The following TAFA1 variants were observed in gnomAD, a reference collection of about 807,000 sequenced individuals.
TAFA1 encodes the protein chemokine-like protein TAFA-1.
In TAFA1, 4 loss-of-function variants were observed where a neutral mutation model predicts 18.5. That is an observed-to-expected ratio of 0.22 (90% CI 0.11 to 0.49). The LOEUF (loss-of-function observed/expected upper bound fraction) is 0.49. Among genes scored for constraint, TAFA1 ranks in the 20% least tolerant of loss-of-function variants. The probability of loss-of-function intolerance (pLI) is 0.98; values close to 1 mark genes in which losing one functional copy is unlikely to be tolerated. For missense variants in TAFA1, 147 were observed against 169.0 expected (o/e 0.87, Z 0.72); for synonymous variants, 56 against 55.2 (o/e 1.01, Z -0.06).
At chr3:67,999,663 T>C (rs1326404939), upstream of TAFA1, among the ~76,000 whole-genome samples, 1 of 152,110 alleles carries the variant, frequency 6.6e-6, no homozygotes, top group African/African-American at 2.4e-5. Flanking sequence ...TTTTTTCTTC[T>C]AGCAAAAAAA....
At chr3:68,070,098 T>C (rs868267515) in intron 2 of TAFA1, among the ~76,000 whole-genome samples, 20 of 152,230 alleles carry the variant, frequency 1.3e-4, no homozygotes, top group African/African-American at 4.8e-4. Context: ...GCAGAGACTC[T>C]GTGTGGGGGC....
intron 2 of TAFA1, among the ~76,000 whole-genome samples, chr3:68,228,806 A>C (rs1041393800): frequency 1.3e-5 from 2 of 152,220 alleles, no homozygotes; most frequent in Non-Finnish European, 2.9e-5. Flanking sequence ...CTGGTGTTGA[A>C]CTTGCAAGTG....
intron 2 of TAFA1, among the ~76,000 whole-genome samples, chr3:68,287,450 C>CA (rs1220946144): frequency 6.6e-6 from 1 of 151,640 alleles, no homozygotes; most frequent in Non-Finnish European, 1.5e-5. Flanking sequence ...AGTTATTGTG[C>CA]ATGAAAATCA....
intron 2 of TAFA1, among the ~76,000 whole-genome samples, chr3:68,357,840 G>A (rs1280399295): frequency 6.6e-6 from 1 of 151,904 alleles, no homozygotes; most frequent in Middle Eastern, 3.2e-3. Flanking sequence ...GGAATTATGA[G>A]GAAGATGATC....
intron 2 of TAFA1, among the ~76,000 whole-genome samples, chr3:68,392,701 A>T (rs112633545): frequency 0.028 from 4,206 of 152,248 alleles, 173 homozygotes; most frequent in East Asian, 0.13. Context: ...CGATTAAGAA[A>T]CTCACTCACA....
chr3:68,051,365 T>C (rs2064469563), intron 2 of TAFA1, among the ~76,000 whole-genome samples: 1 of 152,182 alleles, frequency 6.6e-6, no homozygotes, highest in Non-Finnish European at 1.5e-5. Flanking sequence ...AGATATTTAC[T>C]AGTTAAAATT....
intron 3 of TAFA1, among the ~76,000 whole-genome samples, chr3:68,448,323 G>T (rs1009220485): frequency 6.6e-6 from 1 of 152,202 alleles, no homozygotes; most frequent in Admixed American, 6.5e-5. Context: ...ATTTTTAGAT[G>T]TAAATTTGTG....
chr3:68,431,936 G>A (rs1037691311), intron 3 of TAFA1, among the ~76,000 whole-genome samples: 5 of 151,984 alleles, frequency 3.3e-5, no homozygotes, highest in Non-Finnish European at 7.4e-5. Flanking sequence ...AAGTAAGCGT[G>A]AGGAACATGA....
chr3:68,286,475 C>A (rs1279037197), intron 2 of TAFA1, among the ~76,000 whole-genome samples: 1 of 151,622 alleles, frequency 6.6e-6, no homozygotes, highest in East Asian at 1.9e-4. Context: ...TTGGAATGGA[C>A]AAAAAGAGCT....
chr3:68,232,141 A>G (rs1438489833), intron 2 of TAFA1, among the ~76,000 whole-genome samples: 1 of 152,194 alleles, frequency 6.6e-6, no homozygotes, highest in South Asian at 2.1e-4. Context: ...ACCCTATACT[A>G]CTATAGGACA....
chr3:68,242,029 G>T (rs1248384941), intron 2 of TAFA1, among the ~76,000 whole-genome samples: 1 of 152,062 alleles, frequency 6.6e-6, no homozygotes, highest in African/African-American at 2.4e-5. Flanking sequence ...CTCAGCTTTG[G>T]CCTGACCAAC....
intron 3 of TAFA1, among the ~76,000 whole-genome samples, chr3:68,504,087 A>G (rs138244833): frequency 2.3e-4 from 35 of 152,268 alleles, no homozygotes; most frequent in African/African-American, 7.7e-4. Flanking sequence ...GGACAAGAAA[A>G]AGGCTAATAA....
At chr3:68,337,674 T>C (rs949054061) in intron 2 of TAFA1, among the ~76,000 whole-genome samples, 1 of 152,220 alleles carries the variant, frequency 6.6e-6, no homozygotes, top group Non-Finnish European at 1.5e-5. Flanking sequence ...TGTATATTTA[T>C]GGTAAGAACA....
chr3:68,453,932 C>T (rs566988085), intron 3 of TAFA1, among the ~76,000 whole-genome samples: 34 of 152,224 alleles, frequency 2.2e-4, no homozygotes, highest in African/African-American at 7.7e-4. Flanking sequence ...ACTTCACTCT[C>T]GGGTGAATCT....
intron 2 of TAFA1, among the ~76,000 whole-genome samples, chr3:68,397,922 G>C (rs1013570131): frequency 6.6e-6 from 1 of 152,072 alleles, no homozygotes; most frequent in Non-Finnish European, 1.5e-5. Flanking sequence ...TGCTTTTGGT[G>C]TTTTAGTCAT....
intron 3 of TAFA1, among the ~76,000 whole-genome samples, chr3:68,470,971 G>A (rs2071985757): frequency 6.6e-6 from 1 of 152,094 alleles, no homozygotes; most frequent in Admixed American, 6.6e-5. Flanking sequence ...ATGTTTCCTG[G>A]CGTGGATCCA....
intron 2 of TAFA1, among the ~76,000 whole-genome samples, chr3:68,325,078 G>A (rs71310800): frequency 2.7e-3 from 416 of 152,020 alleles, no homozygotes; most frequent in Non-Finnish European, 4.8e-3. Flanking sequence ...AGTCAAGAGT[G>A]TGTCTGTCTC....
chr3:68,031,709 A>C (rs947088182), intron 2 of TAFA1, among the ~76,000 whole-genome samples: 2 of 152,184 alleles, frequency 1.3e-5, no homozygotes, highest in African/African-American at 4.8e-5. Context: ...AAGTTTAAAA[A>C]TTTTGTTTAA....
chr3:68,372,364 G>A (rs1241724833), intron 2 of TAFA1, among the ~76,000 whole-genome samples: 3 of 152,130 alleles, frequency 2.0e-5, no homozygotes. Context: ...GTACACGCAA[G>A]TAAAGACAAG....
Sources: allele counts gnomAD v4.1 joint callset (sites outside exome capture counted in the v4.1 genomes callset), GRCh38; gene constraint gnomAD v4.1.1; transcripts MANE v1.5; gene names NCBI Gene and HGNC (gene_info 2026-07-23, HGNC 2026-07-21).